CDX1: variants seen among roughly 807,000 people sequenced by gnomAD.
CDX1 encodes homeobox protein CDX-1.
CDX1 carries 9 observed loss-of-function variants against 16.9 expected under a neutral mutation model. The ratio of observed to expected loss-of-function variants is 0.53; its 90% confidence interval spans 0.32 to 0.93. The LOEUF (loss-of-function observed/expected upper bound fraction) is 0.93, where lower values mean the gene tolerates loss of function less well. Among genes scored for constraint, CDX1 ranks in the 40% least tolerant of loss-of-function variants. The pLI is 0.04. For synonymous variants in CDX1, 179 were observed against 179.0 expected, an observed-to-expected ratio of 1.00 and a Z score of 0.00; for missense variants, 393 against 386.1, an observed-to-expected ratio of 1.02 and a Z score of -0.15.
rs994091521 is a variant in CDX1, at chr5:150,184,051, G to A, written c.*371G>A. On this transcript the variant is annotated 3_prime_UTR_variant, in exon 3 of 3. Transcript: ENST00000231656. ...TGCTGTGGGGACCACACTGATCCTG[G>A]AGAAAAGGGATGGAGCTGAAAAAGA... is the stretch of plus-strand genomic sequence containing the variant. 5 of 186,638 alleles carry A rather than the reference G, an allele frequency of 2.7e-5. No individual in the cohort carries two copies. The highest frequency in any genetic ancestry group is 7.0e-5 in the African/African-American group (3 of 42,860). The allele number at this position is 186,638 out of a possible 1,614,324, so 11.6% of individuals were successfully genotyped here. A position where few individuals can be genotyped will look rare whatever the true frequency, so the allele number is the denominator to read the frequency against.
intron 1 of CDX1, among the ~76,000 whole-genome samples, chr5:150,170,477 G>A (rs1484896494): frequency 1.3e-5 from 2 of 152,242 alleles, no homozygotes; most frequent in Non-Finnish European, 2.9e-5. Flanking sequence ...TTGAGTGAAT[G>A]AACAGGGCAA....
At chr5:150,173,848 C>A (rs2113950329) in intron 1 of CDX1, among the ~76,000 whole-genome samples, 1 of 152,344 alleles carries the variant, frequency 6.6e-6, no homozygotes, top group African/African-American at 2.4e-5. Context: ...GAGCCACCAG[C>A]TGCTGGAGTG....
At position 150,183,700 on chromosome 5, in the gene CDX1, G is replaced by C; in HGVS notation, c.*20G>C. On this transcript the variant is annotated 3_prime_UTR_variant, in exon 3 of 3. Transcript: ENST00000231656. ...CCATAGCCCCATGCCCAGCCTGTGC[G>C]CCGGGGGACCTGGGGACTCGGGTGC... is the stretch of plus-strand genomic sequence containing the variant. The C allele has an allele frequency of 6.6e-7, 1 of 1,515,348 alleles. No homozygotes were observed. Among genetic ancestry groups the C allele is most frequent in the Middle Eastern group, 1.9e-4 (1 of 5,398 alleles). The allele number at this position is 1,515,348 out of a possible 1,614,324, so 93.9% of individuals were successfully genotyped here. A position where few individuals can be genotyped will look rare whatever the true frequency, so the allele number is the denominator to read the frequency against.
intron 1 of CDX1, among the ~76,000 whole-genome samples, chr5:150,171,653 GT>G (rs1306855365): frequency 6.6e-6 from 1 of 152,194 alleles, no homozygotes; most frequent in African/African-American, 2.4e-5. Context: ...CCATTTCTTT[GT>G]TGTAAAATCC....
Position 150,167,313 on chromosome 5 carries a change from G to A in CDX1, c.437G>A (p.Gly146Asp), listed in dbSNP as rs1245195524. 2 of 1,263,424 alleles carry A rather than the reference G, an allele frequency of 1.6e-6. No homozygotes were observed. The highest frequency in any genetic ancestry group is 2.0e-6 in the Non-Finnish European group (2 of 1,010,156). 78.3% of individuals were successfully genotyped at this position (1,263,424 alleles called of 1,614,324 possible). Reference protein sequence around the residue: ...MRRSVAAGGGGGSGKTRTKDK... With the variant: ...MRRSVAAGGGDGSGKTRTKDK... ...CGCAGCGTGGCGGCCGGAGGCGGCG[G>A]TGGCAGCGGTAAGGACCCTTCCCTC... The change falls in exon 1 of 3, where the codon GGT becomes GAT. Residue 146 changes from glycine to aspartate, a missense_variant. Gly to Asp is a moderately conservative substitution (Grantham distance 94, BLOSUM62 -1). Transcript: ENST00000231656.
chr5:150,174,371 G>A (rs1162311846), intron 1 of CDX1, among the ~76,000 whole-genome samples: 1 of 152,256 alleles, frequency 6.6e-6, no homozygotes, highest in Non-Finnish European at 1.5e-5. Context: ...ATCTTAAATG[G>A]CTGTCTTGGG....
intron 1 of CDX1, among the ~76,000 whole-genome samples, chr5:150,171,854 C>A (rs1029526510): frequency 6.6e-6 from 1 of 152,234 alleles, no homozygotes; most frequent in African/African-American, 2.4e-5. Context: ...TTTCTCGGAG[C>A]CTGGGCTGCT....
chr5:150,171,545 C>T (rs1352253762), intron 1 of CDX1, among the ~76,000 whole-genome samples: 1 of 152,176 alleles, frequency 6.6e-6, no homozygotes, highest in Non-Finnish European at 1.5e-5. Flanking sequence ...ACCGTGTTAG[C>T]CAGGATGGTC....
At chr5:150,178,700 G>C (rs900699077) in intron 1 of CDX1, among the ~76,000 whole-genome samples, 5 of 152,158 alleles carry the variant, frequency 3.3e-5, no homozygotes, top group Non-Finnish European at 7.4e-5. Context: ...TCCTACCTGT[G>C]GCTTTCCAAC....
At position 150,175,378 on chromosome 5, in the gene CDX1, TGAA is replaced by T. The variant is rs145008725; in HGVS notation, c.446-7384_446-7382del. Among the ~76,000 whole-genome samples the T allele has an allele frequency of 2.0e-3, 298 of 152,252 alleles. 2 individuals carry two copies. Among genetic ancestry groups the T allele is most frequent in the African/African-American group, 6.8e-3 (284 of 41,542 alleles). On this transcript the variant is annotated intron_variant, in intron 1 of 2. Transcript: ENST00000231656. ...AGCTGGGTCAGATTGTGGACCTTGA[TGAA>T]GAAGATAGGGCAGCAGATGATGCAA...
At chr5:150,178,867 C>G (rs532354279) in intron 1 of CDX1, among the ~76,000 whole-genome samples, 7 of 152,034 alleles carry the variant, frequency 4.6e-5, no homozygotes, top group African/African-American at 1.7e-4. Context: ...TTTCACACGT[C>G]TTAGAAATTG....
intron 1 of CDX1, among the ~76,000 whole-genome samples, chr5:150,181,411 G>A (rs544527610): frequency 6.6e-6 from 1 of 152,306 alleles, no homozygotes; most frequent in East Asian, 1.9e-4. Flanking sequence ...GGGTAGCTGG[G>A]ATTACAGATG....
chr5:150,178,890 A>AC (rs1761605728), intron 1 of CDX1, among the ~76,000 whole-genome samples: 1 of 151,626 alleles, frequency 6.6e-6, no homozygotes, highest in East Asian at 1.9e-4. Flanking sequence ...CCATACTGGG[A>AC]TATATGGGGT....
chr5:150,176,529 C>G (rs574077386), intron 1 of CDX1, among the ~76,000 whole-genome samples: 1 of 152,256 alleles, frequency 6.6e-6, no homozygotes, highest in African/African-American at 2.4e-5. Flanking sequence ...GCGTGTGGGG[C>G]AGGTGCTCCC....
At chr5:150,180,553 A>G (rs1761628309) in intron 1 of CDX1, among the ~76,000 whole-genome samples, 1 of 152,102 alleles carries the variant, frequency 6.6e-6, no homozygotes, top group Non-Finnish European at 1.5e-5. Flanking sequence ...TGGTTAGTAC[A>G]GGGGTGCTGA....
rs1186666576 is a variant in CDX1 at position 150,182,905 on chromosome 5, G to T, written c.583G>T (p.Glu195Ter). The T allele has an allele frequency of 6.2e-7, 1 of 1,607,252 alleles. No homozygotes were observed. Among genetic ancestry groups the T allele is most frequent in the Non-Finnish European group, 8.5e-7 (1 of 1,176,978 alleles). ...SELAANLGLT[E>*]RQVKIWFQNR... ...GCTGGCTGCCAATCTGGGGCTCACT[G>T]AACGGCAGGTGTGTCTGTCTTCCTA... is the stretch of plus-strand genomic sequence containing the variant. The change falls in exon 2 of 3, where the codon GAA becomes TAA. Residue 195 changes from glutamate to a stop codon, truncating the protein, a stop_gained. Transcript: ENST00000231656. LOFTEE classifies it low-confidence loss of function (END_TRUNC).
At chr5:150,174,266 C>T (rs1293415362) in intron 1 of CDX1, among the ~76,000 whole-genome samples, 1 of 152,228 alleles carries the variant, frequency 6.6e-6, no homozygotes, top group East Asian at 1.9e-4. Context: ...GCCAGGGGGG[C>T]AGTGGCCTGG....
At position 150,182,751 on chromosome 5, in the gene CDX1, C is replaced by G; in HGVS notation, c.446-17C>G. ...CCTCTCAACTCACCTTCCTTCCCGGCTCCTTCTGCTTCTCAGGTAAGACTC... is the reference window on the plus strand; with the variant it reads ...CCTCTCAACTCACCTTCCTTCCCGGGTCCTTCTGCTTCTCAGGTAAGACTC... On this transcript the variant is annotated splice_polypyrimidine_tract_variant and intron_variant, in intron 1 of 2. Coordinates refer to ENST00000231656, the MANE Select transcript of CDX1 (RefSeq NM_001804.3). The G allele has an allele frequency of 6.5e-7, 1 of 1,544,744 alleles. No homozygotes were observed. The highest frequency in any genetic ancestry group is 8.7e-7 in the Non-Finnish European group (1 of 1,147,688).
At position 150,183,598 on chromosome 5, in the gene CDX1, C is replaced by A; in HGVS notation, c.716C>A (p.Ser239Tyr). Residue 239 changes from serine to tyrosine, a missense_variant, in exon 3 of 3, where the codon TCC becomes TAC. Ser to Tyr is a moderately radical substitution (Grantham distance 144). Transcript: ENST00000231656. Reference sequence around the variant, plus strand: ...ATCACGGCCACCCCAGCCGGGCCATCCCTGGGGGGCCTGTGTCCCAGCAAC... The same window carrying A: ...ATCACGGCCACCCCAGCCGGGCCATACCTGGGGGGCCTGTGTCCCAGCAAC... ...HDITATPAGP[S>Y]LGGLCPSNTS... 1.2e-6 allele frequency: 2 copies of A among 1,610,028 alleles called. No individual in the cohort carries two copies. Among genetic ancestry groups the A allele is most frequent in the Non-Finnish European group, 1.7e-6 (2 of 1,177,336 alleles).
Sources: allele counts gnomAD v4.1 joint callset (sites outside exome capture counted in the v4.1 genomes callset), GRCh38; gene constraint gnomAD v4.1.1; transcripts MANE v1.5; gene names NCBI Gene and HGNC (gene_info 2026-07-23, HGNC 2026-07-21).